Variants in B3GALT5 observed in about 807,000 individuals in gnomAD.
The protein encoded by B3GALT5 is UDP-Gal:betaGlcNAc beta 1,3-galactosyltransferase, polypeptide 5.
For synonymous variants in B3GALT5, 156 were observed against 158.6 expected (o/e 0.98, Z 0.12); for missense variants, 328 against 396.6 (o/e 0.83, Z 1.47).
chr21:39,648,675 G>C (rs1217730346), intron 2 of B3GALT5, among the ~76,000 whole-genome samples: 1 of 152,192 alleles, frequency 6.6e-6, no homozygotes, highest in African/African-American at 2.4e-5. Context: ...CTCAATAAAC[G>C]CTGGGAGATG....
chr21:39,654,815 AT>A (rs1008395507), intron 2 of B3GALT5, among the ~76,000 whole-genome samples: 1 of 152,296 alleles, frequency 6.6e-6, no homozygotes, highest in African/African-American at 2.4e-5. Flanking sequence ...GAACATTAGC[AT>A]TTTTTTAAGC....
chr21:39,664,202 C>G lies in B3GALT5; in HGVS notation c.*2710C>G, dbSNP rs1365811273. 1 of 152,280 alleles carries G rather than the reference C, an allele frequency of 6.6e-6. No individual in the cohort carries two copies. The highest frequency in any genetic ancestry group is 1.9e-4 in the East Asian group (1 of 5,190). 9.4% of individuals were successfully genotyped at this position (152,280 alleles called of 1,614,324 possible). On this transcript the variant is annotated 3_prime_UTR_variant, in exon 4 of 4. Transcript: ENST00000684187. ...GGGTGACCCTAAGCTGCCCTGTGGC[C>G]TCCCCAGCCACCTGCTGACGGAGCT...
rs908661354 is a variant in B3GALT5, at chr21:39,667,642, C to T, written c.*6150C>T. Reference sequence around the variant, plus strand: ...CTGACGTACAGCCTTGCAGAGCCTCCAGCTTCCATGGTGGCAGGAGCCATG... The same window carrying T: ...CTGACGTACAGCCTTGCAGAGCCTCTAGCTTCCATGGTGGCAGGAGCCATG... On this transcript the variant is annotated 3_prime_UTR_variant, in exon 4 of 4. Transcript: ENST00000684187. 6.6e-6 allele frequency: 1 copy of T among 152,190 alleles called. No homozygotes were observed. Among genetic ancestry groups the T allele is most frequent in the Non-Finnish European group, 1.5e-5 (1 of 68,038 alleles). 9.4% of individuals were successfully genotyped at this position (152,190 alleles called of 1,614,324 possible).
chr21:39,650,205 G>A (rs982138539), intron 2 of B3GALT5, among the ~76,000 whole-genome samples: 5 of 152,142 alleles, frequency 3.3e-5, no homozygotes, highest in Non-Finnish European at 4.4e-5. Context: ...GATTTCTCTT[G>A]GTAGCCAAGT....
At chr21:39,614,160 T>A (rs1250692190) in intron 1 of B3GALT5, among the ~76,000 whole-genome samples, 1 of 152,204 alleles carries the variant, frequency 6.6e-6, no homozygotes, top group African/African-American at 2.4e-5. Flanking sequence ...CATCTTTACA[T>A]GTACCTTTTG....
At chr21:39,640,391 C>G (rs533990719) in intron 1 of B3GALT5, among the ~76,000 whole-genome samples, 1 of 152,274 alleles carries the variant, frequency 6.6e-6, no homozygotes, top group African/African-American at 2.4e-5. Flanking sequence ...TCCTGAGACC[C>G]CTTTCTCCCT....
chr21:39,655,189 G>A (rs1025068872), intron 2 of B3GALT5, among the ~76,000 whole-genome samples: 6 of 152,226 alleles, frequency 3.9e-5, no homozygotes, highest in African/African-American at 1.4e-4. Flanking sequence ...TCTGGACCCA[G>A]GAAGAGCTGA....
chr21:39,624,140 G>C (rs879180146), intron 1 of B3GALT5, among the ~76,000 whole-genome samples: 1 of 152,220 alleles, frequency 6.6e-6, no homozygotes, highest in Admixed American at 6.5e-5. Flanking sequence ...CACCACCTCT[G>C]TTTACCTTTC....
At chr21:39,650,252 C>A (rs938246471) in intron 2 of B3GALT5, among the ~76,000 whole-genome samples, 7 of 152,178 alleles carry the variant, frequency 4.6e-5, no homozygotes, top group African/African-American at 1.7e-4. Context: ...GCCCCCTCCT[C>A]AAAAATTCCT....
intron 1 of B3GALT5, among the ~76,000 whole-genome samples, chr21:39,634,336 T>C (rs2079211735): frequency 6.6e-6 from 1 of 152,122 alleles, no homozygotes; most frequent in Non-Finnish European, 1.5e-5. Flanking sequence ...AGCCCACTTG[T>C]CAGAACTGCT....
intron 1 of B3GALT5, among the ~76,000 whole-genome samples, chr21:39,644,590 A>G (rs532649130): frequency 6.6e-6 from 1 of 152,322 alleles, no homozygotes; most frequent in Admixed American, 6.5e-5. Context: ...CGGCTTACAG[A>G]ACCATTGTCT....
At chr21:39,644,007 G>A (rs765648075) in intron 1 of B3GALT5, among the ~76,000 whole-genome samples, 12 of 152,144 alleles carry the variant, frequency 7.9e-5, no homozygotes, top group Non-Finnish European at 1.6e-4. Flanking sequence ...AAGGATGGGC[G>A]CCTGGGAGAC....
chr21:39,644,936 C>T (rs370654298), intron 1 of B3GALT5, among the ~76,000 whole-genome samples: 1 of 152,086 alleles, frequency 6.6e-6, no homozygotes, highest in Non-Finnish European at 1.5e-5. Context: ...GGCTCACCCC[C>T]CTTTCTTCTC....
In B3GALT5 at chr21:39,670,120, C is replaced by T. The variant is rs962604774; in HGVS notation, c.*8628C>T. 3.3e-5 allele frequency: 5 copies of T among 152,210 alleles called. No homozygotes were observed. The highest frequency in any genetic ancestry group is 1.3e-4 in the Admixed American group (2 of 15,272). The allele number at this position is 152,210 out of a possible 1,614,324, so 9.4% of individuals were successfully genotyped here. A position where few individuals can be genotyped will look rare whatever the true frequency, so the allele number is the denominator to read the frequency against. ...AATGGCAGCCCAAACAAATGTCTGG[C>T]TTCAGAAAATAAACTCTTCAGTCCA... On this transcript the variant is annotated 3_prime_UTR_variant, in exon 4 of 4. Coordinates refer to ENST00000684187, the MANE Select transcript of B3GALT5 (RefSeq NM_001356336.2).
chr21:39,615,289 G>A (rs1345892593), intron 1 of B3GALT5, among the ~76,000 whole-genome samples: 1 of 152,186 alleles, frequency 6.6e-6, no homozygotes, highest in Admixed American at 6.5e-5. Context: ...CGTGGAAGGA[G>A]GGAGTTAACT....
At position 39,635,581 on chromosome 21, in the gene B3GALT5, C is replaced by G. The variant is rs2079221558; in HGVS notation, c.-391-10811C>G. The stretch of plus-strand genomic sequence containing the variant: ...GCAACCTCTGCCTCCTGGGTTCAAG[C>G]AATTCTTCTGCCTCAGCCTCCCAAG... On this transcript the variant is annotated intron_variant, in intron 1 of 3. Transcript: ENST00000684187. Among the ~76,000 whole-genome samples, 5 of 152,096 alleles carry G rather than the reference C, an allele frequency of 3.3e-5. No individual in the cohort carries two copies. In the South Asian group the frequency reaches 1.0e-3, roughly 31 times the overall value.
At chr21:39,639,462 T>TTCTCTCTC (rs1555926237) in intron 1 of B3GALT5, among the ~76,000 whole-genome samples, 6 of 132,392 alleles carry the variant, frequency 4.5e-5, no homozygotes, top group African/African-American at 1.9e-4. Context: ...CTTTTTTTCT[T>TTCTCTCTC]TCTCTCTCTC....
intron 1 of B3GALT5, among the ~76,000 whole-genome samples, chr21:39,645,407 C>G (rs1178767539): frequency 6.6e-6 from 1 of 152,184 alleles, no homozygotes; most frequent in African/African-American, 2.4e-5. Flanking sequence ...GTGGACTCAG[C>G]CAGAGATGGC....
At chr21:39,650,857 C>CA (rs931628399) in intron 2 of B3GALT5, among the ~76,000 whole-genome samples, 58 of 141,052 alleles carry the variant, frequency 4.1e-4, no homozygotes, top group South Asian at 4.0e-3. Flanking sequence ...ATGTATTTTA[C>CA]AAAAAAAAAA....
Sources: allele counts gnomAD v4.1 joint callset (sites outside exome capture counted in the v4.1 genomes callset), GRCh38; gene constraint gnomAD v4.1.1; transcripts MANE v1.5; gene names NCBI Gene and HGNC (gene_info 2026-07-23, HGNC 2026-07-21).